Variants in TEAD1 observed in about 807,000 individuals in gnomAD.
TEAD1 encodes TEA domain transcription factor 1.
In TEAD1, 9 loss-of-function variants were observed where a neutral mutation model predicts 54.9. That is an observed-to-expected ratio of 0.16 (90% CI 0.10 to 0.29). TEAD1 has a LOEUF of 0.29. TEAD1 is among the 10% of genes least tolerant of loss of function. The pLI is 1.00. For synonymous variants in TEAD1, 200 were observed against 187.8 expected (o/e 1.07, Z -0.53); for missense variants, 387 against 535.9 (o/e 0.72, Z 2.74).
chr11:12,914,487 ACT>A (rs1359756799), intron 10 of TEAD1, among the ~76,000 whole-genome samples: 2 of 151,636 alleles, frequency 1.3e-5, no homozygotes, highest in African/African-American at 4.8e-5. Flanking sequence ...ACACTCAAAG[ACT>A]CTTTTCTGAG....
At chr11:12,714,398 T>C (rs1220254190) in intron 2 of TEAD1, among the ~76,000 whole-genome samples, 1 of 152,136 alleles carries the variant, frequency 6.6e-6, no homozygotes, top group Admixed American at 6.5e-5. Flanking sequence ...TCTTTTGGCT[T>C]TTCTTTTTTT....
intron 3 of TEAD1, among the ~76,000 whole-genome samples, chr11:12,821,696 C>T (rs1432345000): frequency 2.0e-5 from 3 of 151,972 alleles, no homozygotes; most frequent in Non-Finnish European, 4.4e-5. Context: ...TAAAAAAATG[C>T]CCAGATCCAA....
intron 3 of TEAD1, among the ~76,000 whole-genome samples, chr11:12,835,868 G>A (rs1406412330): frequency 1.3e-5 from 2 of 152,152 alleles, no homozygotes; most frequent in South Asian, 2.1e-4. Flanking sequence ...CTTAGTCAAC[G>A]GGTACAAAGT....
chr11:12,747,951 A>C (rs1944781574), intron 2 of TEAD1, among the ~76,000 whole-genome samples: 1 of 146,836 alleles, frequency 6.8e-6, no homozygotes, highest in East Asian at 2.0e-4. Context: ...CCAGATGTCC[A>C]AGGTGATCCC....
chr11:12,803,590 G>A (rs1297150518), intron 3 of TEAD1, among the ~76,000 whole-genome samples: 1 of 152,150 alleles, frequency 6.6e-6, no homozygotes, highest in African/African-American at 2.4e-5. Context: ...CTGCTGTGTG[G>A]CTCATGGCGC....
At chr11:12,700,375 C>A (rs924597636) in intron 2 of TEAD1, among the ~76,000 whole-genome samples, 3 of 152,186 alleles carry the variant, frequency 2.0e-5, no homozygotes, top group Non-Finnish European at 4.4e-5. Flanking sequence ...AAATACCCAA[C>A]CTGTGTGCAC....
chr11:12,762,996 C>T (rs1363768260), intron 2 of TEAD1, among the ~76,000 whole-genome samples: 1 of 152,168 alleles, frequency 6.6e-6, no homozygotes, highest in African/African-American at 2.4e-5. Context: ...TACTCAGGCC[C>T]TTGGCCTCCT....
chr11:12,855,684 C>T (rs1276850447), intron 3 of TEAD1, among the ~76,000 whole-genome samples: 1 of 151,798 alleles, frequency 6.6e-6, no homozygotes, highest in African/African-American at 2.4e-5. Context: ...TAGTTCACGC[C>T]TGTAATCCCA....
chr11:12,709,054 T>A (rs1210522052), intron 2 of TEAD1, among the ~76,000 whole-genome samples: 2 of 152,062 alleles, frequency 1.3e-5, no homozygotes, highest in East Asian at 3.8e-4. Flanking sequence ...CATAGTAATT[T>A]GGGCTGGGTG....
At chr11:12,686,689 T>C (rs1943341745) in intron 2 of TEAD1, among the ~76,000 whole-genome samples, 1 of 152,186 alleles carries the variant, frequency 6.6e-6, no homozygotes, top group South Asian at 2.1e-4. Context: ...AGGGAGACTG[T>C]GTAATGATGT....
In TEAD1 at chr11:12,749,287, T is replaced by C. The variant is rs577200820; in HGVS notation, c.-54-14892T>C. Among the ~76,000 whole-genome samples, 5 of 152,206 alleles carry C rather than the reference T, an allele frequency of 3.3e-5. No individual in the cohort carries two copies. In the South Asian group the frequency reaches 6.2e-4, roughly 19 times the overall value. On this transcript the variant is annotated intron_variant, in intron 2 of 12. Coordinates refer to ENST00000527636, the MANE Select transcript of TEAD1 (RefSeq NM_021961.6). Reference sequence around the variant, plus strand: ...CTTTAGTGGCCATTTGTACGTGTAATTGGAAATGGATTACATTTTAATTAA... The same window carrying C: ...CTTTAGTGGCCATTTGTACGTGTAACTGGAAATGGATTACATTTTAATTAA...
At chr11:12,910,534 C>T (rs138694363) in intron 10 of TEAD1, among the ~76,000 whole-genome samples, 442 of 152,190 alleles carry the variant, frequency 2.9e-3, no homozygotes, top group African/African-American at 0.01. Context: ...TGAAATCTTA[C>T]GGATTTGTAT....
intron 2 of TEAD1, among the ~76,000 whole-genome samples, chr11:12,707,048 C>G (rs7949728): frequency 0.39 from 58,784 of 150,420 alleles, 11,674 homozygotes; most frequent in South Asian, 0.61. Context: ...GTAAAACTCT[C>G]TCCAAATTGA....
At chr11:12,831,545 G>GT (rs1946782088) in intron 3 of TEAD1, among the ~76,000 whole-genome samples, 1 of 151,840 alleles carries the variant, frequency 6.6e-6, no homozygotes. Context: ...TTGTTGTTGT[G>GT]TTTTTTGTTT....
At chr11:12,867,742 C>T (rs1589941475) in intron 5 of TEAD1, among the ~76,000 whole-genome samples, 1 of 152,186 alleles carries the variant, frequency 6.6e-6, no homozygotes, top group East Asian at 1.9e-4. Flanking sequence ...CCATGGTCTT[C>T]TTGGCCTCCC....
Position 12,937,537 on chromosome 11 carries a change from C to A in TEAD1, c.*315C>A. 4.6e-6 allele frequency: 1 copy of A among 218,008 alleles called. No homozygotes were observed. Among genetic ancestry groups the A allele is most frequent in the East Asian group, 1.0e-4 (1 of 9,986 alleles). The allele number at this position is 218,008 out of a possible 1,614,324, so 13.5% of individuals were successfully genotyped here. A position where few individuals can be genotyped will look rare whatever the true frequency, so the allele number is the denominator to read the frequency against. On this transcript the variant is annotated 3_prime_UTR_variant, in exon 13 of 13. Coordinates refer to ENST00000527636, the MANE Select transcript of TEAD1 (RefSeq NM_021961.6). ...CCTGAACAACCCAAGTCTCTCTCTG[C>A]AGAGCCCTGTTTCTAATTGTGGTAG...
rs965255890 is a variant in TEAD1 at position 12,940,011 on chromosome 11, C to T, written c.*2789C>T. 2 of 152,246 alleles carry T rather than the reference C, an allele frequency of 1.3e-5. No homozygotes were observed. Among genetic ancestry groups the T allele is most frequent in the Admixed American group, 6.5e-5 (1 of 15,278 alleles). The allele number at this position is 152,246 out of a possible 1,614,324, so 9.4% of individuals were successfully genotyped here. On this transcript the variant is annotated 3_prime_UTR_variant, in exon 13 of 13. Transcript: ENST00000527636. ...GCTTCTCTTCCAGGTGCTCTATCCC[C>T]TCGAGACCCTCTGGTGCCAGGCTTG...
chr11:12,879,934 G>A (rs1322171365), intron 6 of TEAD1, 92 bp downstream of exon 6: 6 of 1,589,104 alleles, frequency 3.8e-6, no homozygotes, highest in Non-Finnish European at 5.1e-6. Context: ...TTCTTGTCAT[G>A]TGGGTCAGGT....
intron 2 of TEAD1, among the ~76,000 whole-genome samples, chr11:12,746,520 C>G (rs1473330850): frequency 2.0e-5 from 3 of 151,988 alleles, no homozygotes; most frequent in Admixed American, 2.0e-4. Flanking sequence ...AATATGTTAC[C>G]CTGATTAGGT....
Sources: allele counts gnomAD v4.1 joint callset (sites outside exome capture counted in the v4.1 genomes callset), GRCh38; gene constraint gnomAD v4.1.1; transcripts MANE v1.5; gene names NCBI Gene and HGNC (gene_info 2026-07-23, HGNC 2026-07-21).